SAMD4A: variants seen among roughly 807,000 people sequenced by gnomAD.
SAMD4A encodes the protein sterile alpha motif domain containing 4A.
In SAMD4A, 33 loss-of-function variants were observed where a neutral mutation model predicts 81.3. The observed-to-expected ratio is 0.41, with a 90% CI of 0.31 to 0.54. The LOEUF (loss-of-function observed/expected upper bound fraction) is 0.54, where lower values mean the gene tolerates loss of function less well. SAMD4A is among the 20% of genes least tolerant of loss of function. The pLI, the probability that SAMD4A is intolerant of heterozygous loss-of-function variation, is 0.37. For missense variants in SAMD4A, 854 were observed against 951.1 expected (o/e 0.90, Z 1.34); for synonymous variants, 389 against 382.1 (o/e 1.02, Z -0.21).
intron 4 of SAMD4A, among the ~76,000 whole-genome samples, chr14:54,741,969 G>A (rs878986532): frequency 2.0e-5 from 3 of 152,152 alleles, no homozygotes; most frequent in Admixed American, 2.0e-4. Context: ...CAAAGCTATT[G>A]AAGGAACTTC....
intron 10 of SAMD4A, among the ~76,000 whole-genome samples, chr14:54,775,497 G>A (rs1166850102): frequency 6.6e-6 from 1 of 152,176 alleles, no homozygotes; most frequent in Non-Finnish European, 1.5e-5. Context: ...TTTTATCCAT[G>A]GCAAAAAGCT....
intron 2 of SAMD4A, among the ~76,000 whole-genome samples, chr14:54,601,501 G>A (rs963054570): frequency 6.6e-6 from 1 of 152,094 alleles, no homozygotes; most frequent in East Asian, 1.9e-4. Context: ...CATTCATATT[G>A]GGTGGGGATG....
chr14:54,694,627 G>A (rs1367764129), intron 2 of SAMD4A: 6 of 985,486 alleles, frequency 6.1e-6, no homozygotes, highest in Non-Finnish European at 7.2e-6. Context: ...ATACTCATGG[G>A]CCAGAGGTCA....
At chr14:54,760,128 C>T in intron 6 of SAMD4A, 33 bp from the exon 7 acceptor site, 1 of 1,599,834 alleles carries the variant, frequency 6.3e-7, no homozygotes, top group South Asian at 1.1e-5. Context: ...TATTCCTGAG[C>T]CTAACAGAGG....
At chr14:54,778,981 T>A (rs1460137122) in intron 11 of SAMD4A, among the ~76,000 whole-genome samples, 1 of 151,728 alleles carries the variant, frequency 6.6e-6, no homozygotes, top group Non-Finnish European at 1.5e-5. Flanking sequence ...CTGTAGTGAC[T>A]TTTCCTTCCT....
At chr14:54,745,944 C>T (rs2037958070) in intron 4 of SAMD4A, among the ~76,000 whole-genome samples, 1 of 152,214 alleles carries the variant, frequency 6.6e-6, no homozygotes, top group Non-Finnish European at 1.5e-5. Flanking sequence ...TGGGAAGTTA[C>T]AGTAGGTGGT....
At chr14:54,594,420 C>A (rs200916017) in intron 2 of SAMD4A, among the ~76,000 whole-genome samples, 21 of 145,738 alleles carry the variant, frequency 1.4e-4, no homozygotes, top group African/African-American at 2.2e-4. Flanking sequence ...GAGACTGTCT[C>A]AAAAAAAAAA....
rs188575931 is a variant in SAMD4A, at chr14:54,586,024, A to G, written c.196+17912A>G. Among the ~76,000 whole-genome samples, 4 of 152,228 alleles carry G rather than the reference A, an allele frequency of 2.6e-5. No homozygotes were observed. The East Asian group carries it at 7.7e-4, about 29-fold the overall frequency. On this transcript the variant is annotated intron_variant, in intron 2 of 12. Coordinates refer to ENST00000554335, the MANE Select transcript of SAMD4A (RefSeq NM_015589.6). ...TTAAGGCACCTGAACACTGTTTTTC[A>G]TAGTGATTGTACTAGTTTACATTCC... is the stretch of plus-strand genomic sequence containing the variant.
chr14:54,599,208 T>C (rs1180022734), intron 2 of SAMD4A, among the ~76,000 whole-genome samples: 1 of 152,214 alleles, frequency 6.6e-6, no homozygotes, highest in Non-Finnish European at 1.5e-5. Context: ...TCCCAAATAT[T>C]ATACCTGTTT....
chr14:54,686,056 C>T (rs1207630011), intron 2 of SAMD4A, among the ~76,000 whole-genome samples: 4 of 152,204 alleles, frequency 2.6e-5, no homozygotes, highest in Admixed American at 6.5e-5. Flanking sequence ...TTCTTGTACT[C>T]TAGCTTCCTG....
intron 2 of SAMD4A, chr14:54,652,812 T>A (rs1257632197): frequency 6.6e-6 from 1 of 152,246 alleles, no homozygotes; most frequent in East Asian, 1.9e-4. Context: ...GAGACACAGC[T>A]GGCAAGATGC....
At chr14:54,765,555 T>C (rs1235956309) in intron 8 of SAMD4A, among the ~76,000 whole-genome samples, 7 of 150,070 alleles carry the variant, frequency 4.7e-5, no homozygotes, top group Non-Finnish European at 7.4e-5. Context: ...TGAGCCCAGG[T>C]GGCCAAGGCT....
chr14:54,631,218 G>A (rs186798138), intron 2 of SAMD4A, among the ~76,000 whole-genome samples: 32 of 152,228 alleles, frequency 2.1e-4, no homozygotes, highest in African/African-American at 6.3e-4. Context: ...AGCTGATTGG[G>A]TAAGGCCCAC....
chr14:54,740,101 T>C (rs942569205), intron 4 of SAMD4A, among the ~76,000 whole-genome samples: 5 of 152,168 alleles, frequency 3.3e-5, no homozygotes, highest in Admixed American at 6.5e-5. Context: ...ACCCAGGAGA[T>C]AGAGGTTGCA....
At chr14:54,612,534 CA>C (rs1469040708) in intron 2 of SAMD4A, among the ~76,000 whole-genome samples, 3 of 152,100 alleles carry the variant, frequency 2.0e-5, no homozygotes, top group African/African-American at 7.2e-5. Context: ...GGGTCATCTT[CA>C]TTAGTTTAAT....
chr14:54,724,008 G>GGAAGGAAGGAAGGAAGAAGGAA (rs748583107), intron 3 of SAMD4A, among the ~76,000 whole-genome samples: 8 of 39,088 alleles, frequency 2.0e-4, no homozygotes, highest in East Asian at 8.4e-4. Flanking sequence ...ATGGATGGAT[G>GGAAGGAAGGAAGGAAGAAGGAA]GAAGGAAGGA....
chr14:54,569,564 T>C (rs555261133), intron 2 of SAMD4A, among the ~76,000 whole-genome samples: 2 of 152,274 alleles, frequency 1.3e-5, no homozygotes, highest in East Asian at 3.9e-4. Flanking sequence ...TCCACGTTTA[T>C]AAATAGCTGG....
intron 3 of SAMD4A, among the ~76,000 whole-genome samples, chr14:54,704,246 A>G (rs190968124): frequency 6.6e-6 from 1 of 152,348 alleles, no homozygotes; most frequent in East Asian, 1.9e-4. Context: ...AGGAGTGATG[A>G]CATGCAGGCA....
intron 3 of SAMD4A, among the ~76,000 whole-genome samples, chr14:54,711,168 C>T (rs572011812): frequency 3.9e-4 from 60 of 152,294 alleles, no homozygotes; most frequent in African/African-American, 1.4e-3. Context: ...CCAAAATAAA[C>T]AAGAAAATGT....
Sources: allele counts gnomAD v4.1 joint callset (sites outside exome capture counted in the v4.1 genomes callset), GRCh38; gene constraint gnomAD v4.1.1; transcripts MANE v1.5; gene names NCBI Gene and HGNC (gene_info 2026-07-23, HGNC 2026-07-21).